The following GALNT13 variants were observed in gnomAD, a reference collection of about 807,000 sequenced individuals.
The protein encoded by GALNT13 is UDP-GalNAc:polypeptide N-acetylgalactosaminyltransferase 13.
A neutral mutation model predicts 64.2 loss-of-function variants in GALNT13; 28 were observed. The ratio of observed to expected loss-of-function variants is 0.44; its 90% confidence interval spans 0.32 to 0.60. The LOEUF is 0.60. Among genes scored for constraint, GALNT13 ranks in the 20% least tolerant of loss-of-function variants. GALNT13 has a pLI of 0.05. For synonymous variants in GALNT13, 214 were observed against 224.6 expected, an observed-to-expected ratio of 0.95 and a Z score of 0.42; for missense variants, 577 against 669.8, an observed-to-expected ratio of 0.86 and a Z score of 1.53.
At chr2:153,583,386 C>A in the GALNT13 span, among the ~76,000 whole-genome samples, 1 of 152,186 alleles carries the variant, frequency 6.6e-6, no homozygotes, top group South Asian at 2.1e-4. Context: ...TTAGAAGAAC[C>A]AAAGTAATGT....
At chr2:153,921,282 C>T (rs1032462672) in intron 2 of GALNT13, among the ~76,000 whole-genome samples, 1 of 151,966 alleles carries the variant, frequency 6.6e-6, no homozygotes, top group Non-Finnish European at 1.5e-5. Context: ...CCATGAAATA[C>T]TATACGGACA....
intron 2 of GALNT13, among the ~76,000 whole-genome samples, chr2:153,913,615 G>A (rs986067470): frequency 6.6e-6 from 1 of 152,180 alleles, no homozygotes; most frequent in Non-Finnish European, 1.5e-5. Context: ...AAGGGTCCAT[G>A]GTGGTAGAGG....
chr2:153,788,099 T>C, the GALNT13 span, among the ~76,000 whole-genome samples: 1 of 152,200 alleles, frequency 6.6e-6, no homozygotes, highest in South Asian at 2.1e-4. Context: ...ACCTCTGGCT[T>C]GGGCCCATTC....
chr2:153,822,300 A>G, the GALNT13 span, among the ~76,000 whole-genome samples: 1 of 152,276 alleles, frequency 6.6e-6, no homozygotes, highest in East Asian at 1.9e-4. Flanking sequence ...ACAGGCAAAT[A>G]TTCTTGATTA....
intron 8 of GALNT13, among the ~76,000 whole-genome samples, chr2:154,288,123 C>G (rs1692382339): frequency 6.6e-6 from 1 of 152,008 alleles, no homozygotes; most frequent in African/African-American, 2.4e-5. Flanking sequence ...TGGTGGAAGG[C>G]AAAGGAGGAG....
At chr2:153,896,708 G>A (rs1313511258) in intron 1 of GALNT13, among the ~76,000 whole-genome samples, 2 of 152,016 alleles carry the variant, frequency 1.3e-5, no homozygotes, top group Non-Finnish European at 2.9e-5. Flanking sequence ...GTACCCGATA[G>A]GTAGTTTTTT....
chr2:153,718,684 T>C, the GALNT13 span, among the ~76,000 whole-genome samples: 1 of 152,134 alleles, frequency 6.6e-6, no homozygotes, highest in Non-Finnish European at 1.5e-5. Context: ...TGAGGACTTT[T>C]TTCTACCCTC....
chr2:153,413,963 C>A, the GALNT13 span, among the ~76,000 whole-genome samples: 1 of 151,990 alleles, frequency 6.6e-6, no homozygotes, highest in African/African-American at 2.4e-5. Context: ...TATGACTATT[C>A]TAAAAGTAAT....
the GALNT13 span, among the ~76,000 whole-genome samples, chr2:153,599,059 T>G: frequency 2.0e-5 from 3 of 152,046 alleles, no homozygotes. Context: ...TATTCGTTCT[T>G]AAAACTTAAA....
the GALNT13 span, among the ~76,000 whole-genome samples, chr2:153,244,503 G>A: frequency 6.6e-6 from 1 of 152,302 alleles, no homozygotes. Flanking sequence ...CCCACGGAGT[G>A]TGAGCAGAAG....
the GALNT13 span, among the ~76,000 whole-genome samples, chr2:153,481,079 T>G: frequency 6.6e-6 from 1 of 152,128 alleles, no homozygotes; most frequent in Non-Finnish European, 1.5e-5. Context: ...AAGGACTAAT[T>G]AGTCACAAAA....
the GALNT13 span, among the ~76,000 whole-genome samples, chr2:153,479,889 G>C: frequency 2.0e-5 from 3 of 151,992 alleles, no homozygotes; most frequent in African/African-American, 7.3e-5. Context: ...GCATGTTCCC[G>C]CTCCCCCTTT....
At chr2:153,660,695 C>T in the GALNT13 span, among the ~76,000 whole-genome samples, 1 of 151,846 alleles carries the variant, frequency 6.6e-6, no homozygotes. Context: ...TACAGTTAAA[C>T]CACTGTAGAT....
chr2:153,301,877 T>G, the GALNT13 span, among the ~76,000 whole-genome samples: 1 of 146,060 alleles, frequency 6.8e-6, no homozygotes, highest in South Asian at 2.2e-4. Context: ...GTATTCCACT[T>G]TGTGTGTGTG....
intron 4 of GALNT13, among the ~76,000 whole-genome samples, chr2:154,152,536 G>A (rs541827894): frequency 8.5e-5 from 13 of 152,218 alleles, no homozygotes; most frequent in Admixed American, 8.5e-4. Context: ...TTTCCAACTT[G>A]GTTCCATTCA....
chr2:154,124,582 A>G (rs769072561), intron 3 of GALNT13, among the ~76,000 whole-genome samples: 14 of 152,028 alleles, frequency 9.2e-5, no homozygotes, highest in Non-Finnish European at 2.1e-4. Context: ...AAGAAAAGTC[A>G]TGGAATTAGA....
At chr2:154,425,642 G>T (rs1366611780) in intron 11 of GALNT13, among the ~76,000 whole-genome samples, 1 of 152,164 alleles carries the variant, frequency 6.6e-6, no homozygotes, top group African/African-American at 2.4e-5. Flanking sequence ...ACCATCAATA[G>T]AAAGATAAGT....
chr2:153,518,996 T>C, the GALNT13 span, among the ~76,000 whole-genome samples: 1 of 152,196 alleles, frequency 6.6e-6, no homozygotes, highest in Non-Finnish European at 1.5e-5. Flanking sequence ...TGACTTACTA[T>C]ATTCTTTAAA....
chr2:153,787,332 A>C, the GALNT13 span, among the ~76,000 whole-genome samples: 4 of 152,190 alleles, frequency 2.6e-5, no homozygotes, highest in Non-Finnish European at 5.9e-5. Context: ...CTTCAACACC[A>C]AAACTACCTC....
Sources: gnomAD v4.1 joint callset for allele counts (sites outside exome capture counted in the v4.1 genomes callset) on GRCh38, gnomAD v4.1.1 for gene constraint, MANE v1.5 for transcripts, NCBI Gene and HGNC (gene_info 2026-07-23, HGNC 2026-07-21) for gene names.